MSRA: variants seen among roughly 807,000 people sequenced by gnomAD.
MSRA encodes mitochondrial peptide methionine sulfoxide reductase.
A neutral mutation model predicts 31.3 loss-of-function variants in MSRA; 54 were observed. The observed-to-expected ratio is 1.73, with a 90% CI of 1.39 to 2.17. The LOEUF is 2.17. MSRA is among the 30% of genes most tolerant of loss of function. The probability of loss-of-function intolerance (pLI) is 0.00; values close to 1 mark genes in which losing one functional copy is unlikely to be tolerated. For missense variants in MSRA, 507 were observed against 300.9 expected, an observed-to-expected ratio of 1.69 and a Z score of -5.07; for synonymous variants, 169 against 116.5, an observed-to-expected ratio of 1.45 and a Z score of -2.90.
chr8:10,091,068 T>A (rs1235980896), intron 1 of MSRA, among the ~76,000 whole-genome samples: 1 of 152,250 alleles, frequency 6.6e-6, no homozygotes, highest in African/African-American at 2.4e-5. Flanking sequence ...TCTATTAATA[T>A]GGTATTTTAC....
intron 1 of MSRA, among the ~76,000 whole-genome samples, chr8:10,066,456 A>T (rs994633893): frequency 8.5e-5 from 13 of 152,244 alleles, no homozygotes; most frequent in Admixed American, 2.0e-4. Flanking sequence ...TTTTATAAAA[A>T]TGGACCAGAT....
chr8:10,205,513 T>C (rs1808880814), intron 1 of MSRA, among the ~76,000 whole-genome samples: 1 of 152,156 alleles, frequency 6.6e-6, no homozygotes, highest in South Asian at 2.1e-4. Context: ...TCAGAGGAGA[T>C]GTCAGATAGG....
intron 1 of MSRA, among the ~76,000 whole-genome samples, chr8:10,057,412 C>T (rs1426927055): frequency 6.6e-6 from 1 of 152,202 alleles, no homozygotes; most frequent in African/African-American, 2.4e-5. Flanking sequence ...TCAAAATAGG[C>T]TGCAGGTAGA....
intron 1 of MSRA, among the ~76,000 whole-genome samples, chr8:10,140,881 C>G (rs1253028079): frequency 6.6e-6 from 1 of 152,122 alleles, no homozygotes; most frequent in Non-Finnish European, 1.5e-5. Flanking sequence ...CAGACACAGA[C>G]ACACTCGGAG....
At chr8:10,399,583 A>C (rs1025834952) in intron 5 of MSRA, among the ~76,000 whole-genome samples, 2 of 152,230 alleles carry the variant, frequency 1.3e-5, no homozygotes, top group Admixed American at 1.3e-4. Context: ...AGCAGATGCC[A>C]GCACCATGCT....
chr8:10,233,732 G>C (rs1257384865), intron 2 of MSRA, among the ~76,000 whole-genome samples: 3 of 152,172 alleles, frequency 2.0e-5, no homozygotes, highest in Non-Finnish European at 4.4e-5. Context: ...GGGAGTTCTG[G>C]AGAAATAGAA....
At chr8:10,076,292 C>A (rs138429372) in intron 1 of MSRA, among the ~76,000 whole-genome samples, 1 of 152,152 alleles carries the variant, frequency 6.6e-6, no homozygotes, top group African/African-American at 2.4e-5. Context: ...TACTGTTGCC[C>A]TGTTTTGTAA....
chr8:10,336,696 G>A (rs559916218), intron 5 of MSRA: 1 of 152,274 alleles, frequency 6.6e-6, no homozygotes, highest in East Asian at 1.9e-4. Flanking sequence ...TAACTTACAT[G>A]ATAAATTACA....
At chr8:10,246,897 C>T (rs1797650507) in intron 3 of MSRA, among the ~76,000 whole-genome samples, 1 of 152,136 alleles carries the variant, frequency 6.6e-6, no homozygotes, top group Non-Finnish European at 1.5e-5. Context: ...TCCTGGAGAT[C>T]ACCCAGGTGT....
intron 4 of MSRA, among the ~76,000 whole-genome samples, chr8:10,311,929 C>A (rs955040709): frequency 6.6e-6 from 1 of 152,150 alleles, no homozygotes; most frequent in African/African-American, 2.4e-5. Context: ...AAAAACAAAT[C>A]TGAATATCCT....
intron 2 of MSRA, among the ~76,000 whole-genome samples, chr8:10,221,477 G>T (rs916084097): frequency 2.0e-5 from 3 of 151,576 alleles, no homozygotes; most frequent in Non-Finnish European, 2.9e-5. Flanking sequence ...ACTTAACTCT[G>T]AGATGAGAAA....
At chr8:10,091,670 G>A (rs900201108) in intron 1 of MSRA, among the ~76,000 whole-genome samples, 7 of 150,678 alleles carry the variant, frequency 4.6e-5, no homozygotes, top group African/African-American at 7.3e-5. Flanking sequence ...GCAATGGTGC[G>A]ATCTTGGCTC....
chr8:10,290,030 T>C (rs753686238), intron 3 of MSRA, among the ~76,000 whole-genome samples: 10 of 152,246 alleles, frequency 6.6e-5, no homozygotes, highest in Non-Finnish European at 1.2e-4. Flanking sequence ...CAGATATTAG[T>C]ATGCCCATTT....
chr8:10,061,254 G>A (rs1457648566), intron 1 of MSRA, among the ~76,000 whole-genome samples: 1 of 152,126 alleles, frequency 6.6e-6, no homozygotes, highest in East Asian at 1.9e-4. Context: ...CCATAGCGTG[G>A]ATTGCACACT....
At chr8:10,337,738 G>T in intron 5 of MSRA, 3 of 702,646 alleles carry the variant, frequency 4.3e-6, no homozygotes, top group Non-Finnish European at 7.8e-6. Context: ...CCTCAGCCAT[G>T]CTGGGGCTCA....
intron 3 of MSRA, among the ~76,000 whole-genome samples, chr8:10,299,022 G>T (rs1005189380): frequency 9.2e-5 from 14 of 152,132 alleles, no homozygotes; most frequent in Admixed American, 9.2e-4. Flanking sequence ...AGCCAAGTAA[G>T]GGCACCATTT....
chr8:10,157,593 G>A (rs1012471394), intron 1 of MSRA, among the ~76,000 whole-genome samples: 4 of 151,944 alleles, frequency 2.6e-5, no homozygotes, highest in South Asian at 2.1e-4. Context: ...AACTTTGTAA[G>A]GGGCAATGAA....
At chr8:10,098,071 A>G (rs1563435057) in intron 1 of MSRA, among the ~76,000 whole-genome samples, 1 of 152,106 alleles carries the variant, frequency 6.6e-6, no homozygotes, top group African/African-American at 2.4e-5. Context: ...CGTTGATTAC[A>G]TTTTTTTAAA....
chr8:10,139,989 C>T (rs1802573758), intron 1 of MSRA, among the ~76,000 whole-genome samples: 1 of 152,104 alleles, frequency 6.6e-6, no homozygotes, highest in Non-Finnish European at 1.5e-5. Context: ...GACAGATGAA[C>T]AGGAAAAAAG....
Sources: allele counts gnomAD v4.1 joint callset (sites outside exome capture counted in the v4.1 genomes callset), GRCh38; gene constraint gnomAD v4.1.1; transcripts MANE v1.5; gene names NCBI Gene and HGNC (gene_info 2026-07-23, HGNC 2026-07-21).